The following CNTNAP2 variants were observed in gnomAD, a reference collection of about 807,000 sequenced individuals.
CNTNAP2 encodes contactin associated protein 2.
In CNTNAP2, 98 loss-of-function variants were observed where a neutral mutation model predicts 155.2. That is an observed-to-expected ratio of 0.63 (90% CI 0.54 to 0.75). The LOEUF (loss-of-function observed/expected upper bound fraction) is 0.75. Among genes scored for constraint, CNTNAP2 ranks in the 30% least tolerant of loss-of-function variants. The pLI is 0.00. For missense variants in CNTNAP2, 1,727 were observed against 1,688.1 expected (o/e 1.02, Z -0.40); for synonymous variants, 651 against 631.2 (o/e 1.03, Z -0.47).
At position 146,627,774 on chromosome 7, in the gene CNTNAP2, G is replaced by C. The variant is rs867776286; in HGVS notation, c.98-146497G>C. On this transcript the variant is annotated intron_variant, in intron 1 of 23. Transcript: ENST00000361727. Reference sequence around the variant, plus strand: ...TTATTTAGGTACAAAAGGTTTAAAAGATCTAAAATATAAATGCATGAAAAT... The same window carrying C: ...TTATTTAGGTACAAAAGGTTTAAAACATCTAAAATATAAATGCATGAAAAT... 3.3e-5 allele frequency among the ~76,000 whole-genome samples: 5 copies of C among 152,188 alleles called. 1 individual carries two copies. The Middle Eastern group carries it at 0.017, about 521-fold the overall frequency.
chr7:146,398,774 A>G (rs566929560), intron 1 of CNTNAP2, among the ~76,000 whole-genome samples: 2 of 152,024 alleles, frequency 1.3e-5, no homozygotes, highest in Admixed American at 6.6e-5. Context: ...AAAAATATAT[A>G]TATATTTATT....
rs375511367 is a variant in CNTNAP2 at position 147,753,333 on chromosome 7, G to C, written c.2098+114027G>C. On this transcript the variant is annotated intron_variant, in intron 13 of 23. Coordinates refer to ENST00000361727, the MANE Select transcript of CNTNAP2 (RefSeq NM_014141.6). ...GCCTAATTCCCATGCAGCTGAATTA[G>C]TTTGTGTGAAATACTCTCTTTCTGA... 6.7e-4 allele frequency among the ~76,000 whole-genome samples: 102 copies of C among 152,278 alleles called. 2 individuals carry two copies. The East Asian group carries it at 0.013, about 20-fold the overall frequency.
intron 9 of CNTNAP2, among the ~76,000 whole-genome samples, chr7:147,367,414 C>T (rs1210018824): frequency 1.3e-5 from 2 of 152,092 alleles, no homozygotes; most frequent in African/African-American, 4.8e-5. Context: ...AGTTGTATGA[C>T]CAGATGGCCA....
chr7:146,350,311 T>C (rs1794893243), intron 1 of CNTNAP2, among the ~76,000 whole-genome samples: 1 of 152,010 alleles, frequency 6.6e-6, no homozygotes, highest in African/African-American at 2.4e-5. Flanking sequence ...GAATCTACAA[T>C]GAACTCAAAC....
chr7:147,222,610 G>A (rs1206379963), intron 8 of CNTNAP2, among the ~76,000 whole-genome samples: 1 of 151,924 alleles, frequency 6.6e-6, no homozygotes, highest in African/African-American at 2.4e-5. Flanking sequence ...ACTGTTTTTT[G>A]TCTTTTTGTA....
intron 1 of CNTNAP2, among the ~76,000 whole-genome samples, chr7:146,267,166 G>C (rs879126015): frequency 2.0e-5 from 3 of 152,102 alleles, no homozygotes; most frequent in Non-Finnish European, 4.4e-5. Flanking sequence ...TAAATGCTGA[G>C]GACTGTTTAG....
chr7:146,427,976 C>G (rs78145840), intron 1 of CNTNAP2, among the ~76,000 whole-genome samples: 2 of 152,090 alleles, frequency 1.3e-5, no homozygotes, highest in Non-Finnish European at 2.9e-5. Context: ...CCCACGTATG[C>G]GTGAGAACAT....
chr7:146,903,859 G>T (rs1796058526), intron 3 of CNTNAP2, among the ~76,000 whole-genome samples: 1 of 152,116 alleles, frequency 6.6e-6, no homozygotes, highest in African/African-American at 2.4e-5. Context: ...TAAAAGAATA[G>T]ATTGTTAACA....
chr7:148,224,880 G>A (rs914599843), intron 19 of CNTNAP2, among the ~76,000 whole-genome samples: 3 of 152,118 alleles, frequency 2.0e-5, no homozygotes, highest in Admixed American at 1.3e-4. Flanking sequence ...AAAACCATCC[G>A]ATCTCATCAC....
At chr7:147,600,488 G>A (rs1428436063) in intron 12 of CNTNAP2, among the ~76,000 whole-genome samples, 1 of 152,044 alleles carries the variant, frequency 6.6e-6, no homozygotes, top group African/African-American at 2.4e-5. Context: ...ACTGACATGT[G>A]CATTTTATAT....
chr7:146,549,615 T>C (rs1215322311), intron 1 of CNTNAP2, among the ~76,000 whole-genome samples: 1 of 152,028 alleles, frequency 6.6e-6, no homozygotes, highest in African/African-American at 2.4e-5. Context: ...AATTATTATT[T>C]AAAAACTATT....
At chr7:147,610,239 T>G (rs1224310637) in intron 12 of CNTNAP2, among the ~76,000 whole-genome samples, 1 of 152,200 alleles carries the variant, frequency 6.6e-6, no homozygotes, top group African/African-American at 2.4e-5. Context: ...TACAGACCCG[T>G]CAACTTTTTC....
intron 9 of CNTNAP2, among the ~76,000 whole-genome samples, chr7:147,351,351 A>T (rs1245513244): frequency 6.6e-6 from 1 of 151,734 alleles, no homozygotes; most frequent in Admixed American, 6.6e-5. Context: ...ATTTGTTCAT[A>T]TGCAGCTCCT....
At chr7:146,119,601 G>T (rs1167590596) in intron 1 of CNTNAP2, among the ~76,000 whole-genome samples, 2 of 152,132 alleles carry the variant, frequency 1.3e-5, no homozygotes, top group East Asian at 3.8e-4. Context: ...CACTCTTAGG[G>T]AGTTGCATTT....
intron 13 of CNTNAP2, among the ~76,000 whole-genome samples, chr7:147,886,375 T>A (rs1799598714): frequency 6.9e-6 from 1 of 144,548 alleles, no homozygotes; most frequent in South Asian, 2.2e-4. Context: ...CTTGGGAGGC[T>A]GAGGCAGGAG....
intron 2 of CNTNAP2, among the ~76,000 whole-genome samples, chr7:146,825,854 A>G (rs1803390373): frequency 6.6e-6 from 1 of 152,144 alleles, no homozygotes; most frequent in Non-Finnish European, 1.5e-5. Flanking sequence ...TGCATCATTG[A>G]ATGCAACATT....
intron 1 of CNTNAP2, among the ~76,000 whole-genome samples, chr7:146,654,823 T>A (rs892818909): frequency 3.3e-5 from 5 of 152,164 alleles, no homozygotes; most frequent in African/African-American, 1.2e-4. Context: ...AGTTCTGAAG[T>A]AAGTTTTAGG....
chr7:147,556,682 TC>T (rs959740002), intron 11 of CNTNAP2, among the ~76,000 whole-genome samples: 11 of 152,152 alleles, frequency 7.2e-5, no homozygotes, highest in South Asian at 2.1e-4. Context: ...TATATAGATT[TC>T]CCCCCTAGAA....
intron 3 of CNTNAP2, among the ~76,000 whole-genome samples, chr7:146,974,381 T>C (rs2129234586): frequency 6.6e-6 from 1 of 151,632 alleles, no homozygotes; most frequent in African/African-American, 2.4e-5. Flanking sequence ...GAGGTTGCAG[T>C]GAGCCGAGAT....
Sources: gnomAD v4.1 joint callset for allele counts (sites outside exome capture counted in the v4.1 genomes callset) on GRCh38, gnomAD v4.1.1 for gene constraint, MANE v1.5 for transcripts, NCBI Gene and HGNC (gene_info 2026-07-23, HGNC 2026-07-21) for gene names.